Variants in FAM13A observed in about 807,000 individuals in gnomAD.
FAM13A encodes family with sequence similarity 13 member A.
Under a neutral mutation model 129.6 loss-of-function variants are expected in FAM13A, and 76 were observed. The observed-to-expected ratio is 0.59, with a 90% CI of 0.49 to 0.71. The LOEUF (loss-of-function observed/expected upper bound fraction) is 0.71. Ranked by LOEUF, FAM13A falls within the 30% of genes least tolerant of loss-of-function variation. The pLI is 0.00. For synonymous variants in FAM13A, 443 were observed against 449.9 expected (o/e 0.98, Z 0.20); for missense variants, 1,108 against 1,249.3 (o/e 0.89, Z 1.70).
At chr4:89,017,068 C>A (rs989490110) in intron 3 of FAM13A, among the ~76,000 whole-genome samples, 11 of 152,278 alleles carry the variant, frequency 7.2e-5, no homozygotes, top group African/African-American at 2.4e-4. Context: ...TGCCATATAG[C>A]CTACGTGTGT....
rs1329409635 is a variant in FAM13A at position 88,747,848 on chromosome 4, G to A, written c.2165C>T (p.Ser722Leu). 1.2e-6 allele frequency: 2 copies of A among 1,603,282 alleles called. No individual in the cohort carries two copies. The highest frequency in any genetic ancestry group is 1.7e-4 in the Middle Eastern group (1 of 6,036). Residue 722 changes from serine (S) to leucine (L), a missense_variant, in exon 18 of 24, where the codon TCA becomes TTA. Ser to Leu is a moderately radical substitution (Grantham distance 145). Coordinates refer to ENST00000264344, the MANE Select transcript of FAM13A (RefSeq NM_014883.4). ...GTCCTCTTCAGATATCTTTAGTTTT[G>A]ATTCTAGTTGAGAAGATTTGGGGGT... ...LAKFRRQLKE[S>L]KLKISEEDLT...
At chr4:88,743,027 A>G (rs577316064) in intron 19 of FAM13A, among the ~76,000 whole-genome samples, 1 of 152,222 alleles carries the variant, frequency 6.6e-6, no homozygotes, top group African/African-American at 2.4e-5. Context: ...ATGTGGAACT[A>G]GGGTTATCAT....
intron 3 of FAM13A, among the ~76,000 whole-genome samples, chr4:89,014,433 G>A (rs1388711837): frequency 1.3e-5 from 2 of 152,132 alleles, no homozygotes; most frequent in Admixed American, 6.5e-5. Flanking sequence ...TTTAATAACA[G>A]AAGTGTTCTG....
chr4:88,908,989 GA>G (rs1561307034), intron 5 of FAM13A, among the ~76,000 whole-genome samples: 17 of 152,246 alleles, frequency 1.1e-4, no homozygotes, highest in African/African-American at 3.9e-4. Flanking sequence ...AATAACTGGT[GA>G]TAACTTAATG....
At chr4:89,003,726 T>C (rs968662969) in intron 3 of FAM13A, among the ~76,000 whole-genome samples, 1 of 152,198 alleles carries the variant, frequency 6.6e-6, no homozygotes, top group Non-Finnish European at 1.5e-5. Context: ...ACGTAATTAT[T>C]CACACATTAA....
chr4:88,817,479 C>T (rs1238059428), intron 7 of FAM13A, among the ~76,000 whole-genome samples: 1 of 151,872 alleles, frequency 6.6e-6, no homozygotes, highest in East Asian at 1.9e-4. Flanking sequence ...AGGGGAATTG[C>T]TTGAACCCAG....
intron 2 of FAM13A, among the ~76,000 whole-genome samples, chr4:89,021,976 G>A (rs992168402): frequency 6.6e-6 from 1 of 152,188 alleles, no homozygotes; most frequent in Non-Finnish European, 1.5e-5. Context: ...TACACACCAT[G>A]TAAGTGAATG....
In FAM13A at chr4:88,998,812, GGAGTGATGA is replaced by G. The variant is rs552787767; in HGVS notation, c.428-7671_428-7663del. 2.2e-3 allele frequency among the ~76,000 whole-genome samples: 329 copies of G among 152,164 alleles called. 2 individuals are homozygous for G. The highest frequency in any genetic ancestry group is 7.6e-3 in the African/African-American group (315 of 41,506). On this transcript the variant is annotated intron_variant, in intron 3 of 23. Transcript: ENST00000264344. ...TCCCCAAGACTGGAATCACTTCTTT[GGAGTGATGA>G]GAAGCTTATATAGGCAACAGAATTT...
chr4:88,928,299 T>C (rs1159099746), intron 5 of FAM13A, among the ~76,000 whole-genome samples: 1 of 152,180 alleles, frequency 6.6e-6, no homozygotes, highest in African/African-American at 2.4e-5. Context: ...AAGAGAAGAA[T>C]GTATATTCCA....
At chr4:88,997,305 T>C (rs897756275) in intron 3 of FAM13A, among the ~76,000 whole-genome samples, 3 of 152,198 alleles carry the variant, frequency 2.0e-5, no homozygotes, top group African/African-American at 4.8e-5. Flanking sequence ...TTGACATCAA[T>C]CTTAGGACAA....
At chr4:88,895,107 C>T (rs1008741351) in intron 6 of FAM13A, among the ~76,000 whole-genome samples, 5 of 151,910 alleles carry the variant, frequency 3.3e-5, no homozygotes, top group African/African-American at 9.7e-5. Flanking sequence ...AGATAATATA[C>T]ATTAGTTAGT....
chr4:88,815,891 A>G (rs1325624167), intron 7 of FAM13A, among the ~76,000 whole-genome samples: 2 of 152,016 alleles, frequency 1.3e-5, no homozygotes, highest in African/African-American at 2.4e-5. Flanking sequence ...CCTAGTGTAT[A>G]AACTACTCAG....
chr4:88,857,820 G>A (rs1473347494), intron 6 of FAM13A, among the ~76,000 whole-genome samples: 1 of 152,034 alleles, frequency 6.6e-6, no homozygotes, highest in African/African-American at 2.4e-5. Flanking sequence ...TTTGTTAACT[G>A]CTATAGCCCT....
intron 2 of FAM13A, among the ~76,000 whole-genome samples, chr4:89,028,438 T>C (rs6823660): frequency 0.29 from 43,924 of 151,312 alleles, 6,888 homozygotes; most frequent in Middle Eastern, 0.42. Flanking sequence ...ATCCCAACAC[T>C]TTGGGAGGCT....
At chr4:88,736,343 T>G (rs538351007) in intron 21 of FAM13A, 1 of 152,314 alleles carries the variant, frequency 6.6e-6, no homozygotes, top group East Asian at 1.9e-4. Flanking sequence ...GAAGACTTTA[T>G]AGCTTGTGGT....
intron 21 of FAM13A, among the ~76,000 whole-genome samples, chr4:88,733,883 A>C (rs1738412071): frequency 6.6e-6 from 1 of 152,258 alleles, no homozygotes; most frequent in South Asian, 2.1e-4. Context: ...GGCCTTATCA[A>C]TTATATCCCA....
At chr4:88,941,685 G>T (rs957959569) in intron 4 of FAM13A, among the ~76,000 whole-genome samples, 1 of 152,174 alleles carries the variant, frequency 6.6e-6, no homozygotes, top group African/African-American at 2.4e-5. Context: ...GTGGTGGGGG[G>T]TGGGTCCCCT....
chr4:89,022,248 C>T (rs1284121750), intron 2 of FAM13A, among the ~76,000 whole-genome samples: 1 of 151,826 alleles, frequency 6.6e-6, no homozygotes, highest in Non-Finnish European at 1.5e-5. Flanking sequence ...TAATAAAATA[C>T]TTTTAAGTTC....
At chr4:88,968,280 C>T (rs1040939491) in intron 4 of FAM13A, among the ~76,000 whole-genome samples, 3 of 152,184 alleles carry the variant, frequency 2.0e-5, no homozygotes, top group Admixed American at 6.5e-5. Context: ...ACTTTTCCTC[C>T]TGTTTGCTCA....
Sources: allele counts gnomAD v4.1 joint callset (sites outside exome capture counted in the v4.1 genomes callset), GRCh38; gene constraint gnomAD v4.1.1; transcripts MANE v1.5; gene names NCBI Gene and HGNC (gene_info 2026-07-23, HGNC 2026-07-21).